The following KCNAB1 variants were observed in gnomAD, a reference collection of about 807,000 sequenced individuals.
KCNAB1 encodes voltage-gated potassium channel subunit beta-1.
KCNAB1 carries 35 observed loss-of-function variants against 64.6 expected under a neutral mutation model. The observed-to-expected ratio is 0.54, with a 90% CI of 0.41 to 0.72. The LOEUF (loss-of-function observed/expected upper bound fraction) is 0.72. Among genes scored for constraint, KCNAB1 ranks in the 30% least tolerant of loss-of-function variants. The pLI, the probability that KCNAB1 is intolerant of heterozygous loss-of-function variation, is 0.00. For synonymous variants in KCNAB1, 177 were observed against 183.8 expected (o/e 0.96, Z 0.30); for missense variants, 401 against 512.9 (o/e 0.78, Z 2.11).
chr3:156,422,361 TG>T (rs1715519711), intron 2 of KCNAB1, among the ~76,000 whole-genome samples: 1 of 152,196 alleles, frequency 6.6e-6, no homozygotes, highest in South Asian at 2.1e-4. Context: ...AGCTGTTCTG[TG>T]ACCTAAGTCT....
At position 156,172,186 on chromosome 3, in the gene KCNAB1, C is replaced by G. The variant is rs139661600; in HGVS notation, c.275+51300C>G. Among the ~76,000 whole-genome samples the G allele has an allele frequency of 9.5e-4, 145 of 152,262 alleles. 1 individual carries two copies. Among genetic ancestry groups the G allele is most frequent in the African/African-American group, 3.4e-3 (142 of 41,564 alleles). On this transcript the variant is annotated intron_variant, in intron 1 of 13. Transcript: ENST00000490337. ...ACCACATACTATGAGCAAACACACTCTAAGTCCCTCTGGTGGGGGATGTGT... is the reference window on the plus strand; with the variant it reads ...ACCACATACTATGAGCAAACACACTGTAAGTCCCTCTGGTGGGGGATGTGT...
At chr3:156,261,746 A>G (rs1458661005) in intron 1 of KCNAB1, among the ~76,000 whole-genome samples, 1 of 151,920 alleles carries the variant, frequency 6.6e-6, no homozygotes, top group Non-Finnish European at 1.5e-5. Flanking sequence ...ACATTTTCAA[A>G]TCAGCTTGTT....
chr3:156,204,254 G>C (rs150575519), intron 1 of KCNAB1, among the ~76,000 whole-genome samples: 2 of 152,160 alleles, frequency 1.3e-5, no homozygotes, highest in Non-Finnish European at 2.9e-5. Flanking sequence ...TCCCAGGTGG[G>C]GCGGGACTGA....
At chr3:156,480,682 A>G (rs1358772273) in intron 8 of KCNAB1, among the ~76,000 whole-genome samples, 2 of 152,044 alleles carry the variant, frequency 1.3e-5, no homozygotes, top group East Asian at 3.9e-4. Context: ...TTTTTTCCCT[A>G]CTAAGTCTTT....
At chr3:156,305,963 C>T (rs564622380) in intron 1 of KCNAB1, among the ~76,000 whole-genome samples, 3 of 152,212 alleles carry the variant, frequency 2.0e-5, no homozygotes, top group South Asian at 4.1e-4. Flanking sequence ...CATAAGGTAG[C>T]GATTCCTGAA....
At chr3:156,227,561 A>G (rs1716261264) in intron 1 of KCNAB1, 1 of 152,190 alleles carries the variant, frequency 6.6e-6, no homozygotes, top group Non-Finnish European at 1.5e-5. Context: ...ACAATAGGTG[A>G]TGTAGGTAAG....
At chr3:156,292,251 G>A (rs758738554) in intron 1 of KCNAB1, 12 of 1,138,980 alleles carry the variant, frequency 1.1e-5, no homozygotes, top group South Asian at 3.0e-5. Flanking sequence ...GAATTCTCAG[G>A]TGGTTCTAAA....
At chr3:156,486,310 T>C (rs1480638384) in intron 8 of KCNAB1, among the ~76,000 whole-genome samples, 1 of 152,104 alleles carries the variant, frequency 6.6e-6, no homozygotes, top group Non-Finnish European at 1.5e-5. Flanking sequence ...CTCTGTTCAG[T>C]GACTCTGGAG....
At chr3:156,327,785 G>C (rs1170285569) in intron 1 of KCNAB1, among the ~76,000 whole-genome samples, 1 of 152,128 alleles carries the variant, frequency 6.6e-6, no homozygotes, top group African/African-American at 2.4e-5. Flanking sequence ...AACATTTCAG[G>C]AGATGATTAA....
At chr3:156,278,151 A>G (rs909777307) in intron 1 of KCNAB1, among the ~76,000 whole-genome samples, 1 of 152,334 alleles carries the variant, frequency 6.6e-6, no homozygotes. Flanking sequence ...GCCTATTTAT[A>G]AAAATATATT....
intron 1 of KCNAB1, among the ~76,000 whole-genome samples, chr3:156,240,428 A>C (rs1279491140): frequency 3.3e-5 from 5 of 152,164 alleles, no homozygotes; most frequent in African/African-American, 1.2e-4. Context: ...AAGAGTTTAT[A>C]TATGAAAATA....
chr3:156,521,075 T>A (rs563693396), intron 11 of KCNAB1, among the ~76,000 whole-genome samples: 2 of 151,910 alleles, frequency 1.3e-5, no homozygotes, highest in Admixed American at 1.3e-4. Flanking sequence ...AAATTTAGAG[T>A]TTTGTAACAT....
At chr3:156,238,431 A>G (rs935967393) in intron 1 of KCNAB1, among the ~76,000 whole-genome samples, 48 of 151,812 alleles carry the variant, frequency 3.2e-4, no homozygotes, top group African/African-American at 1.1e-3. Flanking sequence ...CAAAAAAAAA[A>G]AAAAAAAAAA....
chr3:156,512,240 G>A (rs1365993022), intron 8 of KCNAB1, among the ~76,000 whole-genome samples: 1 of 152,252 alleles, frequency 6.6e-6, no homozygotes, highest in Non-Finnish European at 1.5e-5. Flanking sequence ...AACCAGCACA[G>A]TGACTGGCAA....
chr3:156,291,882 G>A (rs2107969019), intron 1 of KCNAB1: 3 of 1,613,508 alleles, frequency 1.9e-6, no homozygotes, highest in Non-Finnish European at 2.5e-6. Context: ...GGTTCTGAGA[G>A]GGACCGTGCG....
chr3:156,232,954 A>T (rs1162012231), intron 1 of KCNAB1, among the ~76,000 whole-genome samples: 1 of 152,084 alleles, frequency 6.6e-6, no homozygotes, highest in Non-Finnish European at 1.5e-5. Flanking sequence ...GGCCGTGTGG[A>T]TTATGATACC....
chr3:156,276,949 C>G (rs1719384540), intron 1 of KCNAB1, among the ~76,000 whole-genome samples: 1 of 152,150 alleles, frequency 6.6e-6, no homozygotes, highest in Non-Finnish European at 1.5e-5. Context: ...GGCTGTTTGG[C>G]AAAAGTGGCC....
chr3:156,195,032 A>C (rs1207567535), intron 1 of KCNAB1, among the ~76,000 whole-genome samples: 2 of 151,946 alleles, frequency 1.3e-5, no homozygotes, highest in Non-Finnish European at 2.9e-5. Flanking sequence ...GAGAACATGC[A>C]ATGTTTGGTT....
At chr3:156,292,789 G>A (rs780507446) in intron 1 of KCNAB1, among the ~76,000 whole-genome samples, 55 of 152,206 alleles carry the variant, frequency 3.6e-4, no homozygotes, top group Admixed American at 8.5e-4. Context: ...GTGATCCGCC[G>A]GCCTTGGCCT....
Sources: allele counts gnomAD v4.1 joint callset (sites outside exome capture counted in the v4.1 genomes callset), GRCh38; gene constraint gnomAD v4.1.1; transcripts MANE v1.5; gene names NCBI Gene and HGNC (gene_info 2026-07-23, HGNC 2026-07-21).